Variants in INPP4A observed in about 807,000 individuals in gnomAD.
INPP4A encodes inositol polyphosphate-4-phosphatase type I A, also known as inositol polyphosphate-4-phosphatase, type I, 107kD.
INPP4A carries 33 observed loss-of-function variants against 119.8 expected under a neutral mutation model. The ratio of observed to expected loss-of-function variants is 0.28; its 90% CI spans 0.21 to 0.37. The LOEUF is 0.37. INPP4A is among the 10% of genes least tolerant of loss of function. INPP4A has a pLI of 1.00. For synonymous variants in INPP4A, 496 were observed against 500.7 expected (o/e 0.99, Z 0.12); for missense variants, 956 against 1,289.9 (o/e 0.74, Z 3.97).
At chr2:98,492,811 T>C (rs114819209) in intron 1 of INPP4A, among the ~76,000 whole-genome samples, 1,656 of 152,340 alleles carry the variant, frequency 0.011, 29 homozygotes, top group African/African-American at 0.038. Flanking sequence ...TCCAGAGTGA[T>C]AGCAGCTATG....
At chr2:98,526,326 C>T (rs937414263) in intron 4 of INPP4A, among the ~76,000 whole-genome samples, 3 of 152,092 alleles carry the variant, frequency 2.0e-5, no homozygotes, top group African/African-American at 7.2e-5. Flanking sequence ...ATTGTTAAAG[C>T]TCATTGAACA....
intron 17 of INPP4A, among the ~76,000 whole-genome samples, chr2:98,559,981 T>C (rs1378558335): frequency 6.6e-6 from 1 of 152,264 alleles, no homozygotes; most frequent in Non-Finnish European, 1.5e-5. Flanking sequence ...TCTGCTCTTA[T>C]AAATAATGTT....
chr2:98,490,211 G>A (rs1347135968), intron 1 of INPP4A, among the ~76,000 whole-genome samples: 9 of 152,040 alleles, frequency 5.9e-5, no homozygotes, highest in Non-Finnish European at 1.0e-4. Context: ...TTGCTGAGAT[G>A]GAGAAGACCG....
At chr2:98,578,597 G>C (rs1698803904) in intron 24 of INPP4A, among the ~76,000 whole-genome samples, 1 of 152,252 alleles carries the variant, frequency 6.6e-6, no homozygotes. Flanking sequence ...TGCGATGGCA[G>C]GCCTGTCACT....
intron 1 of INPP4A, among the ~76,000 whole-genome samples, chr2:98,498,650 G>A (rs151091973): frequency 1.3e-5 from 2 of 152,248 alleles, no homozygotes; most frequent in East Asian, 1.9e-4. Flanking sequence ...GGACTGAATT[G>A]TGTCTCTCCT....
chr2:98,445,158 C>T (rs557971735), intron 1 of INPP4A, 73 bp downstream of exon 1: 50 of 151,986 alleles, frequency 3.3e-4, no homozygotes, highest in African/African-American at 1.2e-3. Context: ...ACAGCGGGCG[C>T]GGGGGCGCGT....
chr2:98,478,635 T>C (rs909167925), intron 1 of INPP4A, among the ~76,000 whole-genome samples: 1 of 152,182 alleles, frequency 6.6e-6, no homozygotes, highest in African/African-American at 2.4e-5. Flanking sequence ...TGGTTACCAA[T>C]GTGGCTGTGA....
At chr2:98,523,489 G>A (rs1254474229) in intron 4 of INPP4A, among the ~76,000 whole-genome samples, 4 of 151,804 alleles carry the variant, frequency 2.6e-5, no homozygotes, top group African/African-American at 9.7e-5. Context: ...CCGCCTCCTG[G>A]GTTCATGTCA....
At chr2:98,539,746 CG>C in intron 10 of INPP4A, 71 bp downstream of exon 10, 1 of 1,468,614 alleles carries the variant, frequency 6.8e-7, no homozygotes, top group South Asian at 1.3e-5. Context: ...TGAGATATAG[CG>C]GGCAGAGCAC....
chr2:98,464,519 A>G (rs193023430), intron 1 of INPP4A, among the ~76,000 whole-genome samples: 57 of 152,330 alleles, frequency 3.7e-4, no homozygotes, highest in African/African-American at 1.3e-3. Flanking sequence ...GTCAAGTGCT[A>G]GCCAGTGTCT....
chr2:98,537,946 C>T lies in INPP4A; in HGVS notation c.551C>T (p.Thr184Ile). ...EEKSDQRPPV[T>I]RSVDTVNGRM... ...AAGTCAGACCAACGGCCCCCTGTGA[C>T]CCGGTCTGTGGACACTGTCAATGGG... The change falls in exon 8 of 25, where the codon ACC becomes ATC. Residue 184 changes from threonine to isoleucine, a missense_variant. Transcript: ENST00000409851. 1 of 1,612,182 alleles carries T rather than the reference C, an allele frequency of 6.2e-7. No homozygotes were observed. Among genetic ancestry groups the T allele is most frequent in the Non-Finnish European group, 8.5e-7 (1 of 1,179,036 alleles).
chr2:98,558,364 A>T (rs1694859947), intron 16 of INPP4A, among the ~76,000 whole-genome samples: 1 of 152,176 alleles, frequency 6.6e-6, no homozygotes, highest in Non-Finnish European at 1.5e-5. Flanking sequence ...TGATTAGCAG[A>T]TCAATATGTA....
At chr2:98,520,888 G>A in intron 4 of INPP4A, 157 bp downstream of exon 4, 2 of 551,132 alleles carry the variant, frequency 3.6e-6, no homozygotes, top group Non-Finnish European at 6.3e-6. Flanking sequence ...TCACAGTTGT[G>A]AACTTCTGTG....
At chr2:98,450,078 T>A (rs1007169680) in intron 1 of INPP4A, among the ~76,000 whole-genome samples, 17 of 152,178 alleles carry the variant, frequency 1.1e-4, no homozygotes, top group Admixed American at 1.0e-3. Context: ...TTAGAATGTT[T>A]TTTTAAGTGT....
chr2:98,477,967 G>A (rs762444088), intron 1 of INPP4A, among the ~76,000 whole-genome samples: 3 of 152,216 alleles, frequency 2.0e-5, no homozygotes, highest in Non-Finnish European at 2.9e-5. Context: ...TTTAAAATGG[G>A]ACTGGAGTGG....
At chr2:98,474,576 G>T (rs1444889067) in intron 1 of INPP4A, among the ~76,000 whole-genome samples, 2 of 152,196 alleles carry the variant, frequency 1.3e-5, no homozygotes, top group Admixed American at 6.5e-5. Context: ...GTGAGTGACA[G>T]ACAAGACCCA....
At chr2:98,484,492 A>T (rs1434232878) in intron 1 of INPP4A, among the ~76,000 whole-genome samples, 3 of 152,126 alleles carry the variant, frequency 2.0e-5, no homozygotes, top group African/African-American at 7.2e-5. Flanking sequence ...GGGCCCTGAG[A>T]GGGTGTGAGG....
chr2:98,555,477 A>G, intron 15 of INPP4A, 76 bp from the exon 16 acceptor site: 1 of 1,488,180 alleles, frequency 6.7e-7, no homozygotes, highest in Non-Finnish European at 9.1e-7. Flanking sequence ...GGATCAGTGG[A>G]GGGCGATTTG....
At chr2:98,538,863 T>C in intron 8 of INPP4A, 28 bp from the exon 9 acceptor site, 1 of 1,365,628 alleles carries the variant, frequency 7.3e-7, no homozygotes, top group East Asian at 2.3e-5. Context: ...CTCACAGTTT[T>C]CTTGTGCATT....
Sources: allele counts gnomAD v4.1 joint callset (sites outside exome capture counted in the v4.1 genomes callset), GRCh38; gene constraint gnomAD v4.1.1; transcripts MANE v1.5; gene names NCBI Gene and HGNC (gene_info 2026-07-23, HGNC 2026-07-21).